VPS37B: variants seen among roughly 807,000 people sequenced by gnomAD.
VPS37B encodes vacuolar protein sorting-associated protein 37B.
VPS37B carries 11 observed loss-of-function variants against 21.2 expected under a neutral mutation model. The ratio of observed to expected loss-of-function variants is 0.52; its 90% CI spans 0.33 to 0.86. The LOEUF (loss-of-function observed/expected upper bound fraction) is 0.86, where lower values mean the gene tolerates loss of function less well. Ranked by LOEUF, VPS37B falls within the 40% of genes least tolerant of loss-of-function variation. VPS37B has a pLI of 0.03. For synonymous variants in VPS37B, 175 were observed against 159.6 expected (o/e 1.10, Z -0.73); for missense variants, 389 against 374.8 (o/e 1.04, Z -0.31).
At chr12:122,891,368 G>A (rs1433582140) in intron 1 of VPS37B, among the ~76,000 whole-genome samples, 2 of 152,206 alleles carry the variant, frequency 1.3e-5, no homozygotes, top group African/African-American at 4.8e-5. Flanking sequence ...AGCCTTACAA[G>A]TACTCTAAAA....
At chr12:122,884,838 C>A (rs745893691) in intron 1 of VPS37B, 14 of 152,142 alleles carry the variant, frequency 9.2e-5, no homozygotes, top group Non-Finnish European at 1.8e-4. Context: ...TCTGGAAATT[C>A]ATGTCTAAGA....
At chr12:122,892,504 A>T (rs1249708142) in intron 1 of VPS37B, among the ~76,000 whole-genome samples, 3 of 86,270 alleles carry the variant, frequency 3.5e-5, no homozygotes, top group Admixed American at 2.7e-4. Context: ...TCTGCCAATT[A>T]AAAAAAAAAA....
chr12:122,885,714 C>T (rs2034315416), intron 1 of VPS37B: 1 of 124,620 alleles, frequency 8.0e-6, no homozygotes, highest in East Asian at 2.3e-4. Flanking sequence ...GACGGAGTCT[C>T]GCTCTGTCGC....
At chr12:122,871,187 C>T (rs1249838173) in intron 1 of VPS37B, 126 bp from the exon 2 acceptor site, 53 of 1,437,848 alleles carry the variant, frequency 3.7e-5, no homozygotes, top group South Asian at 4.5e-5. Flanking sequence ...CAGCTGGCAC[C>T]GCATGCCAGG....
intron 1 of VPS37B, chr12:122,876,205 CCCG>C (rs1354531330): frequency 6.6e-6 from 1 of 152,188 alleles, no homozygotes; most frequent in African/African-American, 2.4e-5. Flanking sequence ...ACAGCAGCAG[CCCG>C]AGTGGTATGA....
chr12:122,892,166 G>A (rs1354569142), intron 1 of VPS37B, among the ~76,000 whole-genome samples: 1 of 152,176 alleles, frequency 6.6e-6, no homozygotes, highest in Non-Finnish European at 1.5e-5. Flanking sequence ...ACATGCATAT[G>A]AAACATTAGC....
At position 122,866,992 on chromosome 12, in the gene VPS37B, A is replaced by G. The variant is rs1444909003; in HGVS notation, c.*124T>C. Reference sequence around the variant, plus strand: ...ACCACTGACCTACAGTTCTAAAATCAGACAGACACGCTGGCCCAGGGCCCC... The same window carrying G: ...ACCACTGACCTACAGTTCTAAAATCGGACAGACACGCTGGCCCAGGGCCCC... On this transcript the variant is annotated 3_prime_UTR_variant, in exon 4 of 4. Transcript: ENST00000267202. The G allele has an allele frequency of 2.4e-6, 3 of 1,270,686 alleles. No homozygotes were observed. The highest frequency in any genetic ancestry group is 3.1e-6 in the Non-Finnish European group (3 of 965,118). The allele number at this position is 1,270,686 out of a possible 1,614,324, so 78.7% of individuals were successfully genotyped here.
rs192531679 is a variant in VPS37B, at chr12:122,872,348, G to T, written c.112-1287C>A. ...CAGCAGACAGTGATCTGCATCTCCA[G>T]ACAACAGCTGCACCCAGGGCCCTAA... On this transcript the variant is annotated intron_variant, in intron 1 of 3. Coordinates refer to ENST00000267202, the MANE Select transcript of VPS37B (RefSeq NM_024667.3). The T allele has an allele frequency of 3.3e-3, 3,261 of 985,436 alleles. 5 individuals are homozygous for T. The highest frequency in any genetic ancestry group is 3.6e-3 in the Non-Finnish European group (2,950 of 829,966). 61.0% of individuals were successfully genotyped at this position (985,436 alleles called of 1,614,324 possible).
At chr12:122,872,647 G>A (rs117317121) in intron 1 of VPS37B, 15,839 of 985,332 alleles carry the variant, frequency 0.016, 149 homozygotes, top group Non-Finnish European at 0.018. Flanking sequence ...ATGCAGAAGC[G>A]TCTTTCCTTC....
intron 1 of VPS37B, among the ~76,000 whole-genome samples, chr12:122,891,930 G>A (rs972809210): frequency 1.3e-5 from 2 of 152,192 alleles, no homozygotes; most frequent in Non-Finnish European, 2.9e-5. Flanking sequence ...CATGCCATGG[G>A]AACAAAGATC....
Position 122,868,925 on chromosome 12 carries a change from GAC to G in VPS37B, c.284-365_284-364del, listed in dbSNP as rs1425688405. Among the ~76,000 whole-genome samples the G allele has an allele frequency of 6.6e-6, 1 of 152,066 alleles. No homozygotes were observed. The highest frequency in any genetic ancestry group is 1.9e-4 in the East Asian group (1 of 5,186). Reference sequence around the variant, plus strand: ...CGCCAACCACCACCCCCCAGATCCAGACACAGAACCTTTCCACCGGGCGCCCT... The same window carrying G: ...CGCCAACCACCACCCCCCAGATCCAGACAGAACCTTTCCACCGGGCGCCCT... On this transcript the variant is annotated intron_variant, in intron 2 of 3. Transcript: ENST00000267202. This position sits in a 1 kb window ranked among gnomAD's most constrained non-coding sequence, Gnocchi z 5.5.
intron 1 of VPS37B, chr12:122,873,941 C>G (rs573598923): frequency 6.6e-6 from 1 of 152,318 alleles, no homozygotes; most frequent in Admixed American, 6.5e-5. Flanking sequence ...CAAAGCCAAG[C>G]CTGGCAAATA....
At chr12:122,877,305 C>T (rs2034169034) in intron 1 of VPS37B, 1 of 152,184 alleles carries the variant, frequency 6.6e-6, no homozygotes, top group Admixed American at 6.5e-5. Flanking sequence ...AATATGCCCG[C>T]ACCTACAGCA....
intron 1 of VPS37B, chr12:122,886,784 T>C (rs899972323): frequency 6.6e-6 from 1 of 152,192 alleles, no homozygotes; most frequent in Non-Finnish European, 1.5e-5. Flanking sequence ...TGGTGTAAAA[T>C]AGTTTATACG....
intron 1 of VPS37B, 190 bp from the exon 2 acceptor site, chr12:122,871,251 C>T: frequency 7.4e-7 from 1 of 1,358,280 alleles, no homozygotes; most frequent in Non-Finnish European, 9.5e-7. Flanking sequence ...GGAGCTGCTG[C>T]CCGTCGTAAA....
chr12:122,873,165 C>T (rs150447168), intron 1 of VPS37B: 1 of 152,230 alleles, frequency 6.6e-6, no homozygotes, highest in African/African-American at 2.4e-5. Flanking sequence ...TCCTGATGTT[C>T]TGTGTCCTGG....
At position 122,867,592 on chromosome 12, in the gene VPS37B, A is replaced by AC. The variant is rs1301136394; in HGVS notation, c.381dup (p.Phe128ValfsTer13). ...TCCAGAGGAAGTTCTCCATCCAGAA[A>AC]CTTCTCTGCCATGTTCTGAAAGAGG... is the stretch of plus-strand genomic sequence containing the variant. On this transcript the variant is annotated frameshift_variant, in exon 4 of 4. Coordinates refer to ENST00000267202, the MANE Select transcript of VPS37B (RefSeq NM_024667.3). LOFTEE classifies it low-confidence loss of function (END_TRUNC). This position sits in a 1 kb window ranked among gnomAD's most constrained non-coding sequence, Gnocchi z 5.5. 6.2e-7 allele frequency: 1 copy of AC among 1,613,094 alleles called. No homozygotes were observed. Among genetic ancestry groups the AC allele is most frequent in the African/African-American group, 1.3e-5 (1 of 74,880 alleles).
chr12:122,888,681 C>T (rs944541603), intron 1 of VPS37B: 2 of 442,874 alleles, frequency 4.5e-6, no homozygotes, highest in African/African-American at 4.0e-5. Context: ...CTCTTCCAGC[C>T]AGTCTCTAAC....
intron 2 of VPS37B, among the ~76,000 whole-genome samples, chr12:122,869,613 T>C (rs1174317299): frequency 6.6e-6 from 1 of 152,200 alleles, no homozygotes; most frequent in African/African-American, 2.4e-5. Flanking sequence ...AAGGTGATCT[T>C]TAACCCAAAC....
Sources: allele counts gnomAD v4.1 joint callset (sites outside exome capture counted in the v4.1 genomes callset), GRCh38; gene constraint gnomAD v4.1.1; non-coding constraint Gnocchi (gnomAD v3.1); transcripts MANE v1.5; gene names NCBI Gene and HGNC (gene_info 2026-07-23, HGNC 2026-07-21).